The following PRKG1 variants were observed in gnomAD, a reference collection of about 807,000 sequenced individuals.
PRKG1 encodes cGMP-dependent protein kinase 1.
Under a neutral mutation model 88.1 loss-of-function variants are expected in PRKG1, and 35 were observed. That is an observed-to-expected ratio of 0.40 (90% confidence interval 0.30 to 0.53). The LOEUF (loss-of-function observed/expected upper bound fraction) is 0.53. Among genes scored for constraint, PRKG1 ranks in the 20% least tolerant of loss-of-function variants. The probability of loss-of-function intolerance (pLI) is 0.59; values close to 1 mark genes in which losing one functional copy is unlikely to be tolerated. For missense variants in PRKG1, 540 were observed against 839.8 expected (o/e 0.64, Z 4.41); for synonymous variants, 303 against 292.5 (o/e 1.04, Z -0.37).
intron 17 of PRKG1, among the ~76,000 whole-genome samples, chr10:52,292,634 G>T (rs1389139508): frequency 7.9e-5 from 12 of 151,938 alleles, no homozygotes; most frequent in Admixed American, 7.9e-4. Context: ...CTCTGTTTTG[G>T]TACCAGTACC....
rs10999558 is a variant in PRKG1, at chr10:51,801,835, T to C, written c.593-2750T>C. On this transcript the variant is annotated intron_variant, in intron 3 of 17. Transcript: ENST00000373980. ...AGAGTAATGGGAGTTTATTTTCCAC[T>C]GAGTGGGATGTATGTGATCTTAACC... 4.3e-3 allele frequency among the ~76,000 whole-genome samples: 658 copies of C among 152,264 alleles called. 5 individuals are homozygous for C. The highest frequency in any genetic ancestry group is 0.015 in the African/African-American group (617 of 41,574).
chr10:52,104,397 A>G (rs1055873158), intron 7 of PRKG1, among the ~76,000 whole-genome samples: 9 of 152,232 alleles, frequency 5.9e-5, no homozygotes, highest in African/African-American at 2.2e-4. Flanking sequence ...ACATTGAAAG[A>G]TGATATCCAG....
At chr10:51,986,183 C>T (rs1844152544) in intron 5 of PRKG1, among the ~76,000 whole-genome samples, 2 of 152,090 alleles carry the variant, frequency 1.3e-5, no homozygotes, top group Middle Eastern at 3.4e-3. Context: ...TTGTTTTCAA[C>T]CATCTTAAAA....
At chr10:51,641,215 C>T (rs563536301) in intron 3 of PRKG1, among the ~76,000 whole-genome samples, 2 of 152,218 alleles carry the variant, frequency 1.3e-5, no homozygotes, top group African/African-American at 4.8e-5. Context: ...GAGCTGTGCT[C>T]AGGGGTTTCC....
At chr10:51,390,446 A>C (rs1467872839) in intron 2 of PRKG1, among the ~76,000 whole-genome samples, 5 of 152,224 alleles carry the variant, frequency 3.3e-5, no homozygotes. Context: ...TCAGGTTATA[A>C]AATTATCATT....
At chr10:51,503,152 T>G (rs1469601644) in intron 3 of PRKG1, among the ~76,000 whole-genome samples, 1 of 152,140 alleles carries the variant, frequency 6.6e-6, no homozygotes, top group African/African-American at 2.4e-5. Flanking sequence ...AGTCCTGTAA[T>G]ATGCTCAGCA....
At chr10:51,168,236 A>G (rs979876113) in intron 2 of PRKG1, among the ~76,000 whole-genome samples, 7 of 152,088 alleles carry the variant, frequency 4.6e-5, no homozygotes, top group Non-Finnish European at 8.8e-5. Context: ...TCTCAGTAGT[A>G]TACAGTGAAG....
At chr10:52,046,022 C>G (rs1167180948) in intron 5 of PRKG1, among the ~76,000 whole-genome samples, 1 of 152,062 alleles carries the variant, frequency 6.6e-6, no homozygotes, top group Non-Finnish European at 1.5e-5. Context: ...GGATGTGTTT[C>G]TGTATTTCTT....
chr10:51,830,705 G>C (rs1291099537), intron 4 of PRKG1, among the ~76,000 whole-genome samples: 1 of 151,726 alleles, frequency 6.6e-6, no homozygotes, highest in African/African-American at 2.4e-5. Context: ...GGGATTACAG[G>C]TGTGTGCCGC....
At chr10:52,040,486 T>C (rs1845728410) in intron 5 of PRKG1, among the ~76,000 whole-genome samples, 1 of 152,222 alleles carries the variant, frequency 6.6e-6, no homozygotes, top group South Asian at 2.1e-4. Flanking sequence ...TAAACAGTTT[T>C]ATTCTGTTGT....
intron 1 of PRKG1, among the ~76,000 whole-genome samples, chr10:51,043,739 A>G (rs866224823): frequency 1.3e-5 from 2 of 152,312 alleles, no homozygotes; most frequent in African/African-American, 4.8e-5. Context: ...AGCACAGTAC[A>G]TGGAATGTAG....
intron 5 of PRKG1, among the ~76,000 whole-genome samples, chr10:51,915,592 A>C (rs1842322138): frequency 6.6e-6 from 1 of 151,970 alleles, no homozygotes; most frequent in African/African-American, 2.4e-5. Flanking sequence ...TGGGGAGGAT[A>C]AAAAGAGAAG....
At chr10:51,440,024 C>T (rs1457913344) in intron 2 of PRKG1, among the ~76,000 whole-genome samples, 1 of 151,804 alleles carries the variant, frequency 6.6e-6, no homozygotes, top group Non-Finnish European at 1.5e-5. Flanking sequence ...TAAAATTGAA[C>T]TTGAAACTAC....
chr10:51,104,798 C>G (rs542931969), intron 1 of PRKG1, among the ~76,000 whole-genome samples: 2 of 151,608 alleles, frequency 1.3e-5, no homozygotes, highest in Admixed American at 1.3e-4. Flanking sequence ...GACACAATCT[C>G]GGCTTACTGC....
chr10:52,211,482 G>T (rs936130904), intron 9 of PRKG1, among the ~76,000 whole-genome samples: 1 of 151,976 alleles, frequency 6.6e-6, no homozygotes, highest in Non-Finnish European at 1.5e-5. Flanking sequence ...CCGTCACTTG[G>T]TTATTTATTT....
intron 6 of PRKG1, among the ~76,000 whole-genome samples, chr10:52,055,514 G>A (rs1257079924): frequency 6.6e-6 from 1 of 152,072 alleles, no homozygotes; most frequent in Non-Finnish European, 1.5e-5. Flanking sequence ...CTAAGAAATT[G>A]AGTGAATTGG....
intron 2 of PRKG1, among the ~76,000 whole-genome samples, chr10:51,347,731 G>T (rs556558949): frequency 6.6e-6 from 1 of 152,074 alleles, no homozygotes; most frequent in Non-Finnish European, 1.5e-5. Flanking sequence ...TCTCAGTGGT[G>T]TAACAGGCCA....
intron 1 of PRKG1, among the ~76,000 whole-genome samples, chr10:51,076,511 T>C (rs1227334962): frequency 6.6e-6 from 1 of 152,216 alleles, no homozygotes; most frequent in Non-Finnish European, 1.5e-5. Context: ...TCATAGGATC[T>C]CATTTTTGTA....
At chr10:51,188,278 A>C (rs1197869649) in intron 2 of PRKG1, among the ~76,000 whole-genome samples, 1 of 152,038 alleles carries the variant, frequency 6.6e-6, no homozygotes, top group Non-Finnish European at 1.5e-5. Context: ...TAAGGAGAAT[A>C]GCACACGTGA....
Sources: gnomAD v4.1 joint callset for allele counts (sites outside exome capture counted in the v4.1 genomes callset) on GRCh38, gnomAD v4.1.1 for gene constraint, MANE v1.5 for transcripts, NCBI Gene and HGNC (gene_info 2026-07-23, HGNC 2026-07-21) for gene names.